Variants in RD3 observed in about 807,000 individuals in gnomAD.
RD3 encodes the protein protein RD3.
In RD3, 11 loss-of-function variants were observed where a neutral mutation model predicts 16.9. The observed-to-expected ratio is 0.65, with a 90% CI of 0.41 to 1.08. The LOEUF (loss-of-function observed/expected upper bound fraction) is 1.08, where lower values mean the gene tolerates loss of function less well. Among genes scored for constraint, RD3 ranks in the 50% least tolerant of loss-of-function variants. RD3 has a pLI of 0.00. For missense variants in RD3, 274 were observed against 267.4 expected (o/e 1.02, Z -0.17); for synonymous variants, 116 against 114.8 (o/e 1.01, Z -0.07).
rs562284548 is a variant in RD3, at chr1:211,490,753, C to T, written c.-12+1015G>A. Among the ~76,000 whole-genome samples the T allele has an allele frequency of 3.3e-5, 5 of 152,316 alleles. 1 individual carries two copies. The highest frequency in any genetic ancestry group is 1.2e-4 in the African/African-American group (5 of 41,568). ...ACCTGTGGATCCTCTGCCCACCTGACAGACATCTGCTCATTTGTCGGGAAC... is the reference window on the plus strand; with the variant it reads ...ACCTGTGGATCCTCTGCCCACCTGATAGACATCTGCTCATTTGTCGGGAAC... On this transcript the variant is annotated intron_variant, in intron 1 of 2. Transcript: ENST00000680073.
At chr1:211,483,707 G>T (rs1266929255) in intron 1 of RD3, among the ~76,000 whole-genome samples, 1 of 151,984 alleles carries the variant, frequency 6.6e-6, no homozygotes, top group Non-Finnish European at 1.5e-5. Context: ...AGGGGTGGGG[G>T]TGTCATGGCC....
intron 1 of RD3, among the ~76,000 whole-genome samples, chr1:211,489,745 C>A (rs577324227): frequency 6.6e-6 from 1 of 152,078 alleles, no homozygotes; most frequent in Non-Finnish European, 1.5e-5. Flanking sequence ...AAGCTTGACC[C>A]CAACTTTGTT....
At position 211,492,009 on chromosome 1, in the gene RD3, G is replaced by T. The variant is rs1705500545; in HGVS notation, c.-253C>A. 6.6e-6 allele frequency: 1 copy of T among 152,458 alleles called. No individual in the cohort carries two copies. Among genetic ancestry groups the T allele is most frequent in the South Asian group, 2.1e-4 (1 of 4,830 alleles). The allele number at this position is 152,458 out of a possible 1,614,324, so 9.4% of individuals were successfully genotyped here. A position where few individuals can be genotyped will look rare whatever the true frequency, so the allele number is the denominator to read the frequency against. On this transcript the variant is annotated 5_prime_UTR_variant, in exon 1 of 3. Coordinates refer to ENST00000680073, the MANE Select transcript of RD3 (RefSeq NM_001164688.2). ...AGTTTTACCAAGAGAAGAGACAGGA[G>T]GAGAGATCCAGCCTGGACTATTGTT... is the stretch of plus-strand genomic sequence containing the variant.
intron 1 of RD3, among the ~76,000 whole-genome samples, chr1:211,485,401 C>T (rs1185796317): frequency 6.6e-6 from 1 of 152,142 alleles, no homozygotes; most frequent in Non-Finnish European, 1.5e-5. Context: ...GTCCCCAGTG[C>T]CAGCTGCTCC....
At position 211,478,224 on chromosome 1, in the gene RD3, A is replaced by G. The variant is rs1319835942; in HGVS notation, c.*812T>C. ...ATGCGATGACATTGTGGCGTGGGGT[A>G]ATGAGTAACCTACCTCCACCCCTAG... On this transcript the variant is annotated 3_prime_UTR_variant, in exon 3 of 3. Transcript: ENST00000680073. 2.5e-6 allele frequency: 1 copy of G among 398,386 alleles called. No homozygotes were observed. Among genetic ancestry groups the G allele is most frequent in the Non-Finnish European group, 4.4e-6 (1 of 226,054 alleles). 24.7% of individuals were successfully genotyped at this position (398,386 alleles called of 1,614,324 possible).
chr1:211,485,509 C>A lies in RD3; in HGVS notation c.-11-4083G>T, dbSNP rs111687360. 4.5e-3 allele frequency among the ~76,000 whole-genome samples: 690 copies of A among 152,254 alleles called. 10 individuals are homozygous for A. The highest frequency in any genetic ancestry group is 0.015 in the African/African-American group (641 of 41,542). ...GAACAGAGACAGAGAGGCAGGAGGGCAGGCTAGACAGACTCCAGAGGGGGC... is the reference window on the plus strand; with the variant it reads ...GAACAGAGACAGAGAGGCAGGAGGGAAGGCTAGACAGACTCCAGAGGGGGC... On this transcript the variant is annotated intron_variant, in intron 1 of 2. Coordinates refer to ENST00000680073, the MANE Select transcript of RD3 (RefSeq NM_001164688.2).
At chr1:211,486,773 G>A (rs1023582197) in intron 1 of RD3, among the ~76,000 whole-genome samples, 2 of 152,004 alleles carry the variant, frequency 1.3e-5, no homozygotes, top group African/African-American at 4.8e-5. Flanking sequence ...AACCCGGGAG[G>A]CAGAGGTTGC....
rs541605365 is a variant in RD3 at position 211,478,465 on chromosome 1, C to G, written c.*571G>C. The G allele has an allele frequency of 9.4e-6, 3 of 320,286 alleles. No homozygotes were observed. Among genetic ancestry groups the G allele is most frequent in the Middle Eastern group, 8.3e-4 (1 of 1,200 alleles). 19.8% of individuals were successfully genotyped at this position (320,286 alleles called of 1,614,324 possible). On this transcript the variant is annotated 3_prime_UTR_variant, in exon 3 of 3. Transcript: ENST00000680073. ...AGAAGAAGTGTCCCTCTCTGAGCCT[C>G]AAGTTCCACATTTACTAGCTGAAGA...
intron 1 of RD3, among the ~76,000 whole-genome samples, chr1:211,483,897 C>T (rs1314698819): frequency 1.3e-5 from 2 of 152,222 alleles, no homozygotes; most frequent in East Asian, 1.9e-4. Flanking sequence ...CTGAAGAGCA[C>T]TGCGAGCATG....
Position 211,478,216 on chromosome 1 carries a change from C to T in RD3, c.*820G>A, listed in dbSNP as rs550212567. ...CACAGCCCATGCGATGACATTGTGGCGTGGGGTAATGAGTAACCTACCTCC... is the reference window on the plus strand; with the variant it reads ...CACAGCCCATGCGATGACATTGTGGTGTGGGGTAATGAGTAACCTACCTCC... On this transcript the variant is annotated 3_prime_UTR_variant, in exon 3 of 3. Transcript: ENST00000680073. 85 of 398,536 alleles carry T rather than the reference C, an allele frequency of 2.1e-4. No homozygotes were observed. The South Asian group carries it at 7.5e-3, about 35-fold the overall frequency. The allele number at this position is 398,536 out of a possible 1,614,324, so 24.7% of individuals were successfully genotyped here.
chr1:211,479,418 C>A, intron 2 of RD3, 91 bp from the exon 3 acceptor site: 2 of 1,201,990 alleles, frequency 1.7e-6, no homozygotes, highest in Middle Eastern at 5.2e-4. Context: ...GCCCGTGCAT[C>A]CTCATGGCCA....
chr1:211,485,435 C>T (rs903737921), intron 1 of RD3, among the ~76,000 whole-genome samples: 2 of 152,016 alleles, frequency 1.3e-5, no homozygotes, highest in Non-Finnish European at 2.9e-5. Flanking sequence ...TCAGTGGGTC[C>T]GATTAAGTTC....
rs1031693033 is a variant in RD3 at position 211,488,857 on chromosome 1, T to C, written c.-12+2911A>G. On this transcript the variant is annotated intron_variant, in intron 1 of 2. Transcript: ENST00000680073. Reference sequence around the variant, plus strand: ...CTGGGGTCCAGTACCATCCCCACTCTCACCCCCACTCACCACCTCCACTGC... The same window carrying C: ...CTGGGGTCCAGTACCATCCCCACTCCCACCCCCACTCACCACCTCCACTGC... Among the ~76,000 whole-genome samples the C allele has an allele frequency of 3.3e-5, 5 of 152,258 alleles. No homozygotes were observed. The East Asian group carries it at 9.7e-4, about 29-fold the overall frequency.
intron 1 of RD3, among the ~76,000 whole-genome samples, chr1:211,487,819 C>T (rs1340554865): frequency 1.3e-5 from 2 of 152,228 alleles, no homozygotes; most frequent in South Asian, 2.1e-4. Flanking sequence ...TCCACTCACT[C>T]GCTCAGCAGA....
At chr1:211,483,519 G>T (rs554107071) in intron 1 of RD3, among the ~76,000 whole-genome samples, 117 of 152,236 alleles carry the variant, frequency 7.7e-4, no homozygotes, top group African/African-American at 2.5e-3. Flanking sequence ...ATCACCAATG[G>T]AGGCTTCAGA....
chr1:211,486,922 A>G (rs1156792629), intron 1 of RD3, among the ~76,000 whole-genome samples: 1 of 152,206 alleles, frequency 6.6e-6, no homozygotes, highest in Non-Finnish European at 1.5e-5. Context: ...TGAAGTGTTT[A>G]TGGGTGTCTA....
chr1:211,482,951 G>C (rs1705305896), intron 1 of RD3, among the ~76,000 whole-genome samples: 1 of 151,894 alleles, frequency 6.6e-6, no homozygotes, highest in African/African-American at 2.4e-5. Context: ...TGAAGGAGGT[G>C]TCACCTCCAG....
chr1:211,483,233 G>A lies in RD3; in HGVS notation c.-11-1807C>T, dbSNP rs1160073913. 2.0e-5 allele frequency among the ~76,000 whole-genome samples: 3 copies of A among 151,914 alleles called. No individual in the cohort carries two copies. In the East Asian group the frequency reaches 5.8e-4, roughly 29 times the overall value. ...TTCCAGCACTTTGGGAGGCCGAGGA[G>A]GGCAGCTCACTTGAAGCCAGGAGTT... On this transcript the variant is annotated intron_variant, in intron 1 of 2. Coordinates refer to ENST00000680073, the MANE Select transcript of RD3 (RefSeq NM_001164688.2).
At position 211,489,921 on chromosome 1, in the gene RD3, C is replaced by T. The variant is rs376453401; in HGVS notation, c.-12+1847G>A. 5.9e-5 allele frequency among the ~76,000 whole-genome samples: 9 copies of T among 152,184 alleles called. No homozygotes were observed. In the East Asian group the frequency reaches 1.5e-3, roughly 26 times the overall value. The stretch of plus-strand genomic sequence containing the variant: ...TGCCTTTTGGTGTCACTCACCCACG[C>T]CCGTTATCTTCCATTCTCTGATCTT... On this transcript the variant is annotated intron_variant, in intron 1 of 2. Transcript: ENST00000680073.
Sources: gnomAD v4.1 joint callset for allele counts (sites outside exome capture counted in the v4.1 genomes callset) on GRCh38, gnomAD v4.1.1 for gene constraint, MANE v1.5 for transcripts, NCBI Gene and HGNC (gene_info 2026-07-23, HGNC 2026-07-21) for gene names.